The following LAMA5 variants were observed in gnomAD, a reference collection of about 807,000 sequenced individuals.
LAMA5 encodes laminin subunit alpha-5.
In LAMA5, 260 loss-of-function variants were observed where a neutral mutation model predicts 433.4. The ratio of observed to expected loss-of-function variants is 0.60; its 90% confidence interval spans 0.54 to 0.66. The LOEUF is 0.66. LAMA5 is among the 30% of genes least tolerant of loss of function. The pLI is 0.00. For synonymous variants in LAMA5, 2,620 were observed against 2,226.6 expected (o/e 1.18, Z -4.97); for missense variants, 5,378 against 5,258.5 (o/e 1.02, Z -0.70).
At chr20:62,357,261 T>C (rs1489848246) in intron 2 of LAMA5, among the ~76,000 whole-genome samples, 1 of 152,200 alleles carries the variant, frequency 6.6e-6, no homozygotes, top group African/African-American at 2.4e-5. Context: ...CAGCGGTCTG[T>C]GACTCAGCCC....
chr20:62,318,306 A>AGAGGCGGAGGGGGGAG, intron 53 of LAMA5, 148 bp downstream of exon 53: 2 of 164,164 alleles, frequency 1.2e-5, no homozygotes, highest in Non-Finnish European at 2.1e-5. Flanking sequence ...GAGGGGGGGA[A>AGAGGCGGAGGGGGGAG]GAAGAGGAGG....
chr20:62,316,403 C>A, intron 57 of LAMA5: 2 of 532,082 alleles, frequency 3.8e-6, no homozygotes. Flanking sequence ...GCAGAGGCCA[C>A]GTATCTCTTG....
At position 62,318,990 on chromosome 20, in the gene LAMA5, G is replaced by A. The variant is rs773748786; in HGVS notation, c.6895C>T (p.Leu2299=). ...LSELMSQTGH[L]GLANASAPSG... is the part of the protein sequence containing the mutation. ...GGAGCCGAGGCATTGGCCAGCCCCA[G>A]GTGGCCCGTCTGGGACATGAGCTCT... The change falls in exon 52 of 80, where the codon CTG becomes TTG. Residue 2299 remains leucine (L), a synonymous_variant. Transcript: ENST00000252999. The A allele has an allele frequency of 4.4e-6, 7 of 1,589,948 alleles. No individual in the cohort carries two copies. The highest frequency in any genetic ancestry group is 1.3e-5 in the African/African-American group (1 of 74,724).
Position 62,346,894 on chromosome 20 carries a change from T to G in LAMA5, c.1072+19A>C, listed in dbSNP as rs550175520. The G allele has an allele frequency of 6.2e-7, 1 of 1,610,336 alleles. No individual in the cohort carries two copies. The highest frequency in any genetic ancestry group is 2.2e-5 in the East Asian group (1 of 44,848). On this transcript the variant is annotated intron_variant, in intron 7 of 79. Coordinates refer to ENST00000252999, the MANE Select transcript of LAMA5 (RefSeq NM_005560.6). The stretch of plus-strand genomic sequence containing the variant: ...CCAGGGTGTGGGCAGGACACACGTG[T>G]GTGGGAGGAGGCACTCACACTGGCA...
Position 62,313,408 on chromosome 20 carries a change from G to A in LAMA5, c.8711C>T (p.Thr2904Met), listed in dbSNP as rs142490372. 42 of 1,609,544 alleles carry A rather than the reference G, an allele frequency of 2.6e-5. No individual in the cohort carries two copies. The Admixed American group carries it at 4.4e-4, about 17-fold the overall frequency. Residue 2904 changes from threonine (T) to methionine (M), a missense_variant, in exon 64 of 80, where the codon ACG (threonine) becomes ATG (methionine). Physicochemically the swap from Thr to Met is moderately conservative, Grantham distance 81. Transcript: ENST00000252999. ...GAGGCTGACCACCTCCTCATTCAGCGTGTCCATCTCGATGCAGCCCCGGTA... is the reference window on the plus strand; with the variant it reads ...GAGGCTGACCACCTCCTCATTCAGCATGTCCATCTCGATGCAGCCCCGGTA... Reference protein sequence around the residue: ...PGYRGCIEMDTLNEEVVSLYN... With the variant: ...PGYRGCIEMDMLNEEVVSLYN...
Position 62,322,354 on chromosome 20 carries a change from C to CT in LAMA5, c.6260dup (p.Cys2088ValfsTer24). The CT allele has an allele frequency of 6.3e-7, 1 of 1,593,918 alleles. No individual in the cohort carries two copies. The highest frequency in any genetic ancestry group is 8.5e-7 in the Non-Finnish European group (1 of 1,171,878). On this transcript the variant is annotated frameshift_variant, in exon 47 of 80. Transcript: ENST00000252999. LOFTEE classifies it high-confidence loss of function. ...CCATGGTCCCTGGTCGGCAGTGGCA[C>CT]TGTCCGCTCTGGGGGTGGCACTCGG...
chr20:62,367,069 G>T lies in LAMA5; in HGVS notation c.177C>A (p.Ala59=), dbSNP rs1986817586. 7.9e-7 allele frequency: 1 copy of T among 1,261,826 alleles called. No individual in the cohort carries two copies. The highest frequency in any genetic ancestry group is 1.5e-5 in the African/African-American group (1 of 64,684). 78.2% of individuals were successfully genotyped at this position (1,261,826 alleles called of 1,614,324 possible). A position where few individuals can be genotyped will look rare whatever the true frequency, so the allele number is the denominator to read the frequency against. The change falls in exon 1 of 80, where the codon GCC becomes GCA. Residue 59 remains alanine, a synonymous_variant. Coordinates refer to ENST00000252999, the MANE Select transcript of LAMA5 (RefSeq NM_005560.6). ...YFNLAEGARI[A]ASATCGEEAP... is the part of the protein sequence containing the mutation. ...CCTCCTCTCCGCAGGTCGCGGAGGC[G>T]GCGATGCGGGCGCCCTCGGCCAGGT...
chr20:62,334,668 G>A (rs934876862), intron 20 of LAMA5, 47 bp from the exon 21 acceptor site: 5 of 1,475,372 alleles, frequency 3.4e-6, no homozygotes, highest in Admixed American at 4.0e-5. Flanking sequence ...CCCCCACCCA[G>A]CCTCAGGGGC....
In LAMA5 at chr20:62,333,590, G is replaced by A. The variant is rs775980705; in HGVS notation, c.2995C>T (p.Arg999Cys). The part of the protein sequence containing the change: ...FVLNPGTWAL[R>C]VEAEGVLLDY... ...AGGAGCACCCCTTCGGCCTCCACAC[G>A]CAGGGCCCAGGTGCCAGGGTTCAGC... Residue 999 changes from arginine to cysteine, a missense_variant, in exon 24 of 80, where the codon CGT becomes TGT. Physicochemically the swap from Arg to Cys is radical, Grantham distance 180. Transcript: ENST00000252999. The A allele has an allele frequency of 7.8e-5, 122 of 1,569,934 alleles. No homozygotes were observed. Among genetic ancestry groups the A allele is most frequent in the South Asian group, 1.0e-4 (9 of 85,986 alleles).
chr20:62,312,807 C>T (rs760102016), intron 66 of LAMA5, 27 bp from the exon 67 acceptor site: 6 of 1,598,318 alleles, frequency 3.8e-6, no homozygotes, highest in South Asian at 3.3e-5. Flanking sequence ...GGCTCCAGGG[C>T]CAGCTGTGTC....
rs758915574 is a variant in LAMA5 at position 62,312,718 on chromosome 20, C to T, written c.9141G>A (p.Thr3047=). 2.5e-5 allele frequency: 40 copies of T among 1,599,572 alleles called. No homozygotes were observed. Among genetic ancestry groups the T allele is most frequent in the African/African-American group, 1.9e-4 (14 of 74,464 alleles). Reference sequence around the variant, plus strand: ...CATTGTCCTGCTCCACGCTGTACACCGTGGCCCGCTCCACACGCACCAGCA... The same window carrying T: ...CATTGTCCTGCTCCACGCTGTACACTGTGGCCCGCTCCACACGCACCAGCA... ...KRVLVRVERA[T]VYSVEQDNDL... The change falls in exon 67 of 80, where the codon ACG becomes ACA. Residue 3047 remains threonine, a synonymous_variant. Coordinates refer to ENST00000252999, the MANE Select transcript of LAMA5 (RefSeq NM_005560.6).
At position 62,310,466 on chromosome 20, in the gene LAMA5, A is replaced by G; in HGVS notation, c.10553T>C (p.Leu3518Pro). ...GCCTGGGAAGAACAGGCCCGCCTCC[A>G]GGGGGCCCAAGATGCAGGGTGTGAC... ...AGVTPCILGPLEAGLFFPGSG... is the reference protein window; with the variant it reads ...AGVTPCILGPPEAGLFFPGSG... The change falls in exon 76 of 80, where the codon CTG (leucine) becomes CCG (proline). Residue 3518 changes from leucine to proline, a missense_variant. Transcript: ENST00000252999. 6.3e-7 allele frequency: 1 copy of G among 1,598,392 alleles called. No individual in the cohort carries two copies. The highest frequency in any genetic ancestry group is 8.5e-7 in the Non-Finnish European group (1 of 1,174,306).
rs1601436702 is a variant in LAMA5, at chr20:62,362,393, T to G, written c.450+7A>C. ...GGGGGCTGCAGCACGCAAAGAAGGG[T>G]CCCTACCTGGCCCAGGTCCAGGGTG... On this transcript the variant is annotated splice_region_variant and intron_variant, in intron 2 of 79. Coordinates refer to ENST00000252999, the MANE Select transcript of LAMA5 (RefSeq NM_005560.6). The G allele has an allele frequency of 2.0e-6, 3 of 1,510,104 alleles. No homozygotes were observed. Among genetic ancestry groups the G allele is most frequent in the Non-Finnish European group, 2.7e-6 (3 of 1,121,030 alleles). The allele number at this position is 1,510,104 out of a possible 1,614,324, so 93.5% of individuals were successfully genotyped here.
chr20:62,314,313 C>G lies in LAMA5; in HGVS notation c.8495G>C (p.Ser2832Thr), dbSNP rs1313906532. 2.5e-6 allele frequency: 4 copies of G among 1,612,974 alleles called. No homozygotes were observed. The highest frequency in any genetic ancestry group is 1.7e-5 in the Admixed American group (1 of 59,974). ...CTCCTGGGCCTCCCACCTGTCCAGG[C>G]TGACAGCTGCGAACTGCTCCCCAAT... ...EDIGEQFAAV[S>T]LDRTLQFGHM... is the part of the protein sequence containing the mutation. Residue 2832 changes from serine (S) to threonine (T), a missense_variant, in exon 62 of 80, where the codon AGC becomes ACC. By Grantham distance (58) the Ser-to-Thr change is moderately conservative (BLOSUM62 1). Coordinates refer to ENST00000252999, the MANE Select transcript of LAMA5 (RefSeq NM_005560.6).
chr20:62,319,190 C>T, intron 51 of LAMA5, 177 bp from the exon 52 acceptor site: 2 of 619,008 alleles, frequency 3.2e-6, no homozygotes, highest in Non-Finnish European at 2.8e-6. Context: ...GCCTCACCTG[C>T]CCGGCCCTCA....
intron 20 of LAMA5, 150 bp from the exon 21 acceptor site, chr20:62,334,771 G>C (rs1349823897): frequency 2.9e-6 from 2 of 687,552 alleles, no homozygotes; most frequent in Non-Finnish European, 4.9e-6. Context: ...GGGCGAGGGC[G>C]AGGGTGAGGG....
Position 62,313,418 on chromosome 20 carries a change from C to G in LAMA5, c.8701G>C (p.Glu2901Gln). ...LRFPGYRGCI[E>Q]MDTLNEEVVS... is the part of the protein sequence containing the mutation. ...ACCTCCTCATTCAGCGTGTCCATCT[C>G]GATGCAGCCCCGGTAGCCGGGGAAG... is the stretch of plus-strand genomic sequence containing the variant. The change falls in exon 64 of 80, where the codon GAG (glutamate) becomes CAG (glutamine). Residue 2901 changes from glutamate to glutamine, a missense_variant. By Grantham distance (29) the Glu-to-Gln change is conservative. Coordinates refer to ENST00000252999, the MANE Select transcript of LAMA5 (RefSeq NM_005560.6). 1 of 1,610,384 alleles carries G rather than the reference C, an allele frequency of 6.2e-7. No homozygotes were observed. The highest frequency in any genetic ancestry group is 8.5e-7 in the Non-Finnish European group (1 of 1,179,034).
chr20:62,314,118 GCA>G lies in LAMA5; in HGVS notation c.8504+184_8504+185del, dbSNP rs1354894137. On this transcript the variant is annotated intron_variant, in intron 62 of 79. Coordinates refer to ENST00000252999, the MANE Select transcript of LAMA5 (RefSeq NM_005560.6). ...GTGGGCACAGACGGGTGGCGAGTGG[GCA>G]CAGAGACGAGGGGTGGCGAGTGGGC... is the stretch of plus-strand genomic sequence containing the variant. 8.9e-5 allele frequency among the ~76,000 whole-genome samples: 12 copies of G among 134,878 alleles called. 1 individual carries two copies. The highest frequency in any genetic ancestry group is 1.9e-4 in the Non-Finnish European group (12 of 62,578). The allele number at this position is 134,878 out of a possible 152,430, so 88.5% of individuals were successfully genotyped here.
Position 62,338,314 on chromosome 20 carries a change from G to A in LAMA5, c.1674C>T (p.Gly558=), listed in dbSNP as rs1601374599. 1 of 1,606,960 alleles carries A rather than the reference G, an allele frequency of 6.2e-7. No homozygotes were observed. Among genetic ancestry groups the A allele is most frequent in the Non-Finnish European group, 8.5e-7 (1 of 1,177,134 alleles). The change falls in exon 13 of 80, where the codon GGC becomes GGT. Residue 558 remains glycine (G), a synonymous_variant. Transcript: ENST00000252999. Reference sequence around the variant, plus strand: ...CGAAGCCCACTCGGCACCTGCACTGGCCTGTGTCAGGGTCACAGCGGTCAT... The same window carrying A: ...CGAAGCCCACTCGGCACCTGCACTGACCTGTGTCAGGGTCACAGCGGTCAT... ...VADDRCDPDT[G]QCRCRVGFEG...
Sources: allele counts gnomAD v4.1 joint callset (sites outside exome capture counted in the v4.1 genomes callset), GRCh38; gene constraint gnomAD v4.1.1; transcripts MANE v1.5; gene names NCBI Gene and HGNC (gene_info 2026-07-23, HGNC 2026-07-21).